Variants in PCDHGA3 observed in about 807,000 individuals in gnomAD.
PCDHGA3 encodes the protein protocadherin gamma subfamily A, 3, also known as protocadherin gamma-A3.
In PCDHGA3, 40 loss-of-function variants were observed where a neutral mutation model predicts 58.5. That is an observed-to-expected ratio of 0.68 (90% CI 0.53 to 0.89). The LOEUF (loss-of-function observed/expected upper bound fraction) is 0.89, where lower values mean the gene tolerates loss of function less well. Among genes scored for constraint, PCDHGA3 ranks in the 40% least tolerant of loss-of-function variants. The pLI, the probability that PCDHGA3 is intolerant of heterozygous loss-of-function variation, is 0.00. For synonymous variants in PCDHGA3, 530 were observed against 525.7 expected (o/e 1.01, Z -0.11); for missense variants, 1,223 against 1,195.9 (o/e 1.02, Z -0.33).
At chr5:141,443,665 AACT>A (rs2154560310) in intron 1 of PCDHGA3, among the ~76,000 whole-genome samples, 1 of 152,358 alleles carries the variant, frequency 6.6e-6, no homozygotes, top group African/African-American at 2.4e-5. Context: ...CATTTTACTG[AACT>A]AGTAGTTTAC....
intron 1 of PCDHGA3, chr5:141,378,481 C>A (rs975283855): frequency 6.6e-6 from 1 of 152,178 alleles, no homozygotes; most frequent in East Asian, 1.9e-4. Flanking sequence ...CAAGATCGTG[C>A]CACTGCACTC....
intron 1 of PCDHGA3, chr5:141,370,971 G>C: frequency 1.2e-6 from 2 of 1,614,016 alleles, no homozygotes; most frequent in Non-Finnish European, 1.7e-6. Flanking sequence ...TAGGTACCCA[G>C]AGCTAGTACT....
At chr5:141,350,553 AG>A (rs1265206286) in intron 1 of PCDHGA3, 1 of 1,613,934 alleles carries the variant, frequency 6.2e-7, no homozygotes, top group African/African-American at 1.3e-5. Context: ...AGGAAACTTG[AG>A]TGTGCACTAG....
intron 2 of PCDHGA3, among the ~76,000 whole-genome samples, chr5:141,501,075 A>C (rs980856799): frequency 6.6e-6 from 1 of 151,366 alleles, no homozygotes; most frequent in African/African-American, 2.4e-5. Context: ...CACCATGTTG[A>C]CCAGGATGGT....
chr5:141,349,704 A>G (rs903001595), intron 1 of PCDHGA3, among the ~76,000 whole-genome samples: 4 of 152,170 alleles, frequency 2.6e-5, no homozygotes, highest in Admixed American at 6.5e-5. Flanking sequence ...ATTTTAGTCA[A>G]CTAAAAATAT....
chr5:141,383,551 G>A lies in PCDHGA3; in HGVS notation c.2424+37094G>A, dbSNP rs772901140. 8 of 1,612,382 alleles carry A rather than the reference G, an allele frequency of 5.0e-6. No individual in the cohort carries two copies. Among genetic ancestry groups the A allele is most frequent in the Admixed American group, 3.3e-5 (2 of 59,816 alleles). On this transcript the variant is annotated intron_variant, in intron 1 of 3. Transcript: ENST00000253812. ...CCTGGTCCTCACAGCCTCTGATGGC[G>A]GCGACCCGCCCCGATCCAGCACCGC...
intron 1 of PCDHGA3, chr5:141,423,465 G>T: frequency 6.2e-7 from 1 of 1,614,006 alleles, no homozygotes; most frequent in South Asian, 1.1e-5. Context: ...GCGTGGACGG[G>T]GTACAGGCTT....
At chr5:141,352,270 C>G in intron 1 of PCDHGA3, 1 of 1,614,072 alleles carries the variant, frequency 6.2e-7, no homozygotes, top group East Asian at 2.2e-5. Context: ...TATTGCCAGA[C>G]CTCAGCGACC....
Position 141,431,732 on chromosome 5 carries a change from G to C in PCDHGA3, c.2425-63075G>C. 1 of 1,614,238 alleles carries C rather than the reference G, an allele frequency of 6.2e-7. No individual in the cohort carries two copies. Among genetic ancestry groups the C allele is most frequent in the Non-Finnish European group, 8.5e-7 (1 of 1,180,046 alleles). On this transcript the variant is annotated intron_variant, in intron 1 of 3. Coordinates refer to ENST00000253812, the MANE Select transcript of PCDHGA3 (RefSeq NM_018916.4). The surrounding 1 kb of genome is among the most constrained non-coding windows in gnomAD (Gnocchi z 4.8). ...GATGGAAGTGCAAGCAATGGATAAT[G>C]CAGGATATTCTGCGCGAGCCAAAGT...
chr5:141,357,486 C>T, intron 1 of PCDHGA3: 1 of 1,614,238 alleles, frequency 6.2e-7, no homozygotes, highest in South Asian at 1.1e-5. Flanking sequence ...TCACCGCGGA[C>T]TCGCGGAAGA....
At chr5:141,355,153 T>A in intron 1 of PCDHGA3, 3 of 1,549,638 alleles carry the variant, frequency 1.9e-6, no homozygotes, top group Non-Finnish European at 2.6e-6. Context: ...TCCTCAGGCC[T>A]CGACAGAGGG....
intron 1 of PCDHGA3, chr5:141,404,355 G>A (rs1170833341): frequency 6.2e-7 from 1 of 1,613,896 alleles, no homozygotes; most frequent in Admixed American, 1.7e-5. Flanking sequence ...AACGCCAGAG[G>A]TACTTCCATC....
At chr5:141,495,779 C>A (rs529564820) in intron 2 of PCDHGA3, among the ~76,000 whole-genome samples, 53 of 152,094 alleles carry the variant, frequency 3.5e-4, no homozygotes, top group Non-Finnish European at 4.6e-4. Flanking sequence ...TCCTGGACCT[C>A]TTTTCTGTTT....
chr5:141,426,369 A>G, intron 1 of PCDHGA3: 1 of 205,906 alleles, frequency 4.9e-6, no homozygotes, highest in Non-Finnish European at 1.0e-5. Context: ...TCTGCGGGGC[A>G]CCCTCGGAGC....
chr5:141,496,981 T>A (rs928774783), intron 2 of PCDHGA3, among the ~76,000 whole-genome samples: 1 of 150,304 alleles, frequency 6.7e-6, no homozygotes, highest in African/African-American at 2.5e-5. Context: ...AGGTCAGGGG[T>A]TTGAGACCAG....
intron 1 of PCDHGA3, chr5:141,422,451 C>A: frequency 6.2e-7 from 1 of 1,611,518 alleles, no homozygotes; most frequent in East Asian, 2.2e-5. Context: ...TGATAACAAG[C>A]AGAGTGCTGG....
chr5:141,494,705 G>C, intron 1 of PCDHGA3, 102 bp from the exon 2 acceptor site: 1 of 1,597,990 alleles, frequency 6.3e-7, no homozygotes, highest in Non-Finnish European at 8.6e-7. Flanking sequence ...TTTCTTCTCT[G>C]TGCCCACTCC....
In PCDHGA3 at chr5:141,409,393, T is replaced by C. The variant is rs539937433; in HGVS notation, c.2424+62936T>C. 4.8e-5 allele frequency: 77 copies of C among 1,614,062 alleles called. 1 individual carries two copies. In the East Asian group the frequency reaches 1.7e-3, roughly 35 times the overall value. On this transcript the variant is annotated intron_variant, in intron 1 of 3. Coordinates refer to ENST00000253812, the MANE Select transcript of PCDHGA3 (RefSeq NM_018916.4). ...ACATTCCATTCAAGATTTATTCTTC[T>C]TCCAATAACTACTACAAACTGGTGA...
intron 1 of PCDHGA3, among the ~76,000 whole-genome samples, chr5:141,368,720 T>C (rs1443376319): frequency 6.6e-6 from 1 of 152,220 alleles, no homozygotes; most frequent in African/African-American, 2.4e-5. Flanking sequence ...ATTTTGAATG[T>C]ATGTACTGTA....
Sources: gnomAD v4.1 joint callset for allele counts (sites outside exome capture counted in the v4.1 genomes callset) on GRCh38, gnomAD v4.1.1 for gene constraint, Gnocchi (gnomAD v3.1) non-coding constraint, MANE v1.5 for transcripts, NCBI Gene and HGNC (gene_info 2026-07-23, HGNC 2026-07-21) for gene names.